SPOCK1: variants seen among roughly 807,000 people sequenced by gnomAD.
SPOCK1 encodes testican-1.
SPOCK1 carries 23 observed loss-of-function variants against 55.3 expected under a neutral mutation model. That is an observed-to-expected ratio of 0.42 (90% CI 0.30 to 0.59). SPOCK1 has a LOEUF of 0.59. Among genes scored for constraint, SPOCK1 ranks in the 20% least tolerant of loss-of-function variants. The probability of loss-of-function intolerance (pLI) is 0.22; values close to 1 mark genes in which losing one functional copy is unlikely to be tolerated. For synonymous variants in SPOCK1, 226 were observed against 221.0 expected, an observed-to-expected ratio of 1.02 and a Z score of -0.20; for missense variants, 499 against 552.5, an observed-to-expected ratio of 0.90 and a Z score of 0.97.
intron 6 of SPOCK1, among the ~76,000 whole-genome samples, chr5:137,041,945 C>T (rs895159419): frequency 2.0e-5 from 3 of 152,136 alleles, no homozygotes; most frequent in Non-Finnish European, 4.4e-5. Context: ...AACAGCACTC[C>T]TAAGTATTTA....
At chr5:137,250,400 T>C (rs1027524461) in intron 3 of SPOCK1, among the ~76,000 whole-genome samples, 3 of 152,250 alleles carry the variant, frequency 2.0e-5, no homozygotes, top group Non-Finnish European at 2.9e-5. Flanking sequence ...AGAGCAGTTA[T>C]GAAGCTTGAA....
At position 137,220,350 on chromosome 5, in the gene SPOCK1, G is replaced by GC. The variant is rs1363392257; in HGVS notation, c.232+46659dup. On this transcript the variant is annotated intron_variant, in intron 3 of 10. Transcript: ENST00000394945. The stretch of plus-strand genomic sequence containing the variant: ...CACTTGAGTCGCCCTGCCTGGCAGT[G>GC]CCCCCCAGGATGCATTTTGAGTCAC... 4.6e-5 allele frequency among the ~76,000 whole-genome samples: 7 copies of GC among 152,270 alleles called. No individual in the cohort carries two copies. In the East Asian group the frequency reaches 9.7e-4, roughly 21 times the overall value.
At chr5:137,013,889 C>G (rs886569035) in intron 6 of SPOCK1, among the ~76,000 whole-genome samples, 1 of 151,962 alleles carries the variant, frequency 6.6e-6, no homozygotes, top group Non-Finnish European at 1.5e-5. Context: ...CCTTGGGAGC[C>G]GGGTCAGCAG....
intron 3 of SPOCK1, among the ~76,000 whole-genome samples, chr5:137,189,701 C>T (rs946562472): frequency 3.9e-5 from 6 of 152,116 alleles, no homozygotes; most frequent in Non-Finnish European, 8.8e-5. Context: ...ATTTGACTTT[C>T]AAGCCTTATT....
At chr5:137,238,514 A>T (rs950686543) in intron 3 of SPOCK1, among the ~76,000 whole-genome samples, 7 of 36,012 alleles carry the variant, frequency 1.9e-4, no homozygotes, top group Non-Finnish European at 3.9e-4. Context: ...AGCAAAAAAA[A>T]TTACCACATA....
At chr5:137,295,385 T>C (rs2127133405) in intron 2 of SPOCK1, among the ~76,000 whole-genome samples, 1 of 152,300 alleles carries the variant, frequency 6.6e-6, no homozygotes, top group East Asian at 1.9e-4. Context: ...TCCTTAGAGC[T>C]CTACCACCAG....
chr5:137,497,858 A>G lies in SPOCK1; in HGVS notation c.186+515T>C, dbSNP rs79520421. Among the ~76,000 whole-genome samples, 78 of 151,868 alleles carry G rather than the reference A, an allele frequency of 5.1e-4. 1 individual carries two copies. In the East Asian group the frequency reaches 0.015, roughly 29 times the overall value. ...TGACCGCCTCCCTCAACACACACAC[A>G]CACACACATGCAACACCTGACTCCC... On this transcript the variant is annotated intron_variant, in intron 2 of 10. Coordinates refer to ENST00000394945, the MANE Select transcript of SPOCK1 (RefSeq NM_004598.4).
intron 2 of SPOCK1, among the ~76,000 whole-genome samples, chr5:137,457,781 C>T (rs1326822952): frequency 1.3e-5 from 2 of 152,140 alleles, no homozygotes; most frequent in Non-Finnish European, 2.9e-5. Context: ...AACATATTGG[C>T]TTGTCTAATC....
rs547796718 is a variant in SPOCK1 at position 137,193,592 on chromosome 5, A to C, written c.233-52898T>G. On this transcript the variant is annotated intron_variant, in intron 3 of 10. Transcript: ENST00000394945. ...GTCACCATAGAATATCACGAGAATTATAAGTCATGCTTGGTGTCCGCCTCT... is the reference window on the plus strand; with the variant it reads ...GTCACCATAGAATATCACGAGAATTCTAAGTCATGCTTGGTGTCCGCCTCT... Among the ~76,000 whole-genome samples, 3 of 152,328 alleles carry C rather than the reference A, an allele frequency of 2.0e-5. No homozygotes were observed. The South Asian group carries it at 6.2e-4, about 32-fold the overall frequency.
At chr5:137,243,364 T>C (rs1362188797) in intron 3 of SPOCK1, among the ~76,000 whole-genome samples, 1 of 152,222 alleles carries the variant, frequency 6.6e-6, no homozygotes, top group African/African-American at 2.4e-5. Flanking sequence ...AAATTCAGTA[T>C]CAGAGCCTTT....
intron 3 of SPOCK1, among the ~76,000 whole-genome samples, chr5:137,141,371 C>T (rs1474986410): frequency 2.0e-5 from 3 of 152,182 alleles, no homozygotes; most frequent in Non-Finnish European, 4.4e-5. Flanking sequence ...TCATTCATGC[C>T]TAAGTTTACT....
At chr5:137,437,611 T>C (rs989101442) in intron 2 of SPOCK1, among the ~76,000 whole-genome samples, 1 of 152,246 alleles carries the variant, frequency 6.6e-6, no homozygotes, top group African/African-American at 2.4e-5. Flanking sequence ...TTTTAATTGA[T>C]GTATAATAAA....
chr5:137,109,945 T>A (rs1011229174), intron 5 of SPOCK1, among the ~76,000 whole-genome samples: 3 of 152,360 alleles, frequency 2.0e-5, no homozygotes, highest in African/African-American at 4.8e-5. Flanking sequence ...CCCTACCAGA[T>A]GGTAACTTCC....
chr5:137,366,063 C>T lies in SPOCK1; in HGVS notation c.187-99008G>A, dbSNP rs138356539. Among the ~76,000 whole-genome samples the T allele has an allele frequency of 4.8e-3, 737 of 152,270 alleles. 12 individuals carry two copies. Among genetic ancestry groups the T allele is most frequent in the African/African-American group, 0.017 (710 of 41,556 alleles). On this transcript the variant is annotated intron_variant, in intron 2 of 10. Coordinates refer to ENST00000394945, the MANE Select transcript of SPOCK1 (RefSeq NM_004598.4). ...CAACCAGTGCCATGGGAGGCAGGGA[C>T]AGGGGACAGGTTCCCAGAAGAGCTC... is the stretch of plus-strand genomic sequence containing the variant.
At chr5:137,399,276 G>T (rs1391853908) in intron 2 of SPOCK1, among the ~76,000 whole-genome samples, 1 of 152,132 alleles carries the variant, frequency 6.6e-6, no homozygotes, top group African/African-American at 2.4e-5. Flanking sequence ...GTTTTTGCAG[G>T]CATGAGCTCA....
chr5:137,431,150 G>A (rs4976436), intron 2 of SPOCK1, among the ~76,000 whole-genome samples: 24,235 of 152,164 alleles, frequency 0.16, 2,198 homozygotes, highest in Admixed American at 0.27. Context: ...AGCTAATGAG[G>A]CAAGGACAGC....
chr5:137,353,237 T>C (rs1750719829), intron 2 of SPOCK1, among the ~76,000 whole-genome samples: 1 of 152,032 alleles, frequency 6.6e-6, no homozygotes, highest in African/African-American at 2.4e-5. Flanking sequence ...AAAAATTAGC[T>C]GGGTGCGGTG....
At chr5:137,176,551 C>T (rs948663997) in intron 3 of SPOCK1, among the ~76,000 whole-genome samples, 30 of 149,218 alleles carry the variant, frequency 2.0e-4, no homozygotes, top group African/African-American at 6.6e-4. Flanking sequence ...TATATACACA[C>T]GTATGTATAT....
chr5:137,064,424 A>G (rs547033393), intron 6 of SPOCK1, among the ~76,000 whole-genome samples: 57 of 152,264 alleles, frequency 3.7e-4, no homozygotes, highest in African/African-American at 1.3e-3. Context: ...ACAGACCTGC[A>G]TTTATAAGAC....
Sources: gnomAD v4.1 joint callset for allele counts (sites outside exome capture counted in the v4.1 genomes callset) on GRCh38, gnomAD v4.1.1 for gene constraint, MANE v1.5 for transcripts, NCBI Gene and HGNC (gene_info 2026-07-23, HGNC 2026-07-21) for gene names.